Variants in LRRC7 observed in about 807,000 individuals in gnomAD.
LRRC7 encodes leucine-rich repeat-containing protein 7.
In LRRC7, 23 loss-of-function variants were observed where a neutral mutation model predicts 175.7. The ratio of observed to expected loss-of-function variants is 0.13; its 90% CI spans 0.09 to 0.19. The LOEUF (loss-of-function observed/expected upper bound fraction) is 0.19. LRRC7 is among the 10% of genes least tolerant of loss of function. LRRC7 has a pLI of 1.00. For synonymous variants in LRRC7, 685 were observed against 680.9 expected, an observed-to-expected ratio of 1.01 and a Z score of -0.09; for missense variants, 1,354 against 1,904.7, an observed-to-expected ratio of 0.71 and a Z score of 5.38.
At chr1:70,095,085 A>T (rs1056577209) in intron 25 of LRRC7, among the ~76,000 whole-genome samples, 10 of 152,202 alleles carry the variant, frequency 6.6e-5, no homozygotes, top group Non-Finnish European at 2.9e-5. Context: ...TCATTTTGTA[A>T]GTAATATAAT....
chr1:69,752,161 T>C (rs1182503573), intron 2 of LRRC7, among the ~76,000 whole-genome samples: 1 of 152,150 alleles, frequency 6.6e-6, no homozygotes, highest in Non-Finnish European at 1.5e-5. Context: ...TAAAGGGGTT[T>C]CAGAGATGTA....
At chr1:69,789,335 T>A (rs1557731452) in intron 3 of LRRC7, among the ~76,000 whole-genome samples, 2 of 146,304 alleles carry the variant, frequency 1.4e-5, no homozygotes. Flanking sequence ...TGCCTTTAAT[T>A]CAATTCAAGT....
intron 7 of LRRC7, among the ~76,000 whole-genome samples, chr1:69,910,295 T>C (rs1646481931): frequency 6.6e-6 from 1 of 152,198 alleles, no homozygotes; most frequent in South Asian, 2.1e-4. Flanking sequence ...TTCTGCTCTG[T>C]TTTTTCCCCA....
chr1:69,617,552 A>AAAT (rs1485365339), intron 1 of LRRC7, among the ~76,000 whole-genome samples: 2 of 146,630 alleles, frequency 1.4e-5, no homozygotes, highest in Non-Finnish European at 3.0e-5. Context: ...CACAGTAAAA[A>AAAT]AAAAAAAAAA....
Position 69,978,947 on chromosome 1 carries a change from A to C in LRRC7, c.712-1432A>C, listed in dbSNP as rs1186997176. Among the ~76,000 whole-genome samples the C allele has an allele frequency of 1.1e-4, 16 of 151,940 alleles. 1 individual carries two copies. The highest frequency in any genetic ancestry group is 7.9e-4 in the Admixed American group (12 of 15,262). On this transcript the variant is annotated intron_variant, in intron 8 of 26. Transcript: ENST00000651989. Reference sequence around the variant, plus strand: ...GTTTCAGTTAGAAAAAAAAAAAAAAAAAAACAGAAAATCTGCCTTCCAGGC... The same window carrying C: ...GTTTCAGTTAGAAAAAAAAAAAAAACAAAACAGAAAATCTGCCTTCCAGGC...
intron 3 of LRRC7, among the ~76,000 whole-genome samples, chr1:69,765,066 C>A (rs1444941659): frequency 6.6e-6 from 1 of 151,940 alleles, no homozygotes; most frequent in Admixed American, 6.6e-5. Flanking sequence ...GGGTTCTGAC[C>A]CTACACACTT....
intron 13 of LRRC7, among the ~76,000 whole-genome samples, chr1:70,015,552 A>C (rs1237279127): frequency 6.6e-6 from 1 of 152,164 alleles, no homozygotes; most frequent in African/African-American, 2.4e-5. Flanking sequence ...TCTCATTGGC[A>C]TGCCTTGTTT....
intron 22 of LRRC7, among the ~76,000 whole-genome samples, chr1:70,049,121 G>A (rs1464092439): frequency 1.3e-5 from 2 of 151,940 alleles, no homozygotes; most frequent in Non-Finnish European, 2.9e-5. Flanking sequence ...TTCAGGTGAG[G>A]GAAGGCTAAA....
At chr1:69,874,760 A>C (rs2101591849) in intron 7 of LRRC7, 1 of 152,208 alleles carries the variant, frequency 6.6e-6, no homozygotes, top group East Asian at 1.9e-4. Context: ...CTTTGTATAA[A>C]ACAGATATCT....
chr1:69,669,301 A>T (rs1658719241), intron 1 of LRRC7, among the ~76,000 whole-genome samples: 1 of 152,180 alleles, frequency 6.6e-6, no homozygotes, highest in Non-Finnish European at 1.5e-5. Context: ...TGTCTGGGAA[A>T]GTCTTTATCT....
intron 2 of LRRC7, among the ~76,000 whole-genome samples, chr1:69,738,792 T>G (rs1314135720): frequency 2.0e-5 from 3 of 151,946 alleles, no homozygotes; most frequent in Non-Finnish European, 1.5e-5. Context: ...CTATCAGGAA[T>G]TACACATTTG....
intron 23 of LRRC7, among the ~76,000 whole-genome samples, chr1:70,055,326 C>T (rs1044062571): frequency 6.6e-6 from 1 of 152,088 alleles, no homozygotes; most frequent in African/African-American, 2.4e-5. Context: ...GTATTTTAAA[C>T]AGAGAAAGGA....
chr1:69,622,090 C>G (rs1313334941), intron 1 of LRRC7, among the ~76,000 whole-genome samples: 1 of 152,178 alleles, frequency 6.6e-6, no homozygotes, highest in African/African-American at 2.4e-5. Context: ...ATGCTAGCTA[C>G]TCATCTTCTG....
At chr1:69,593,266 C>T (rs115904711) in intron 1 of LRRC7, among the ~76,000 whole-genome samples, 32 of 152,084 alleles carry the variant, frequency 2.1e-4, no homozygotes, top group Non-Finnish European at 4.0e-4. Flanking sequence ...TAAGCAAATT[C>T]GTGAAAAATA....
At chr1:69,938,997 A>ATATT (rs1648351825) in intron 8 of LRRC7, among the ~76,000 whole-genome samples, 1 of 96,024 alleles carries the variant, frequency 1.0e-5, no homozygotes, top group East Asian at 4.2e-4. Context: ...GCTGTAGATT[A>ATATT]TATATATATA....
chr1:70,058,191 G>A (rs1397799613), intron 23 of LRRC7, among the ~76,000 whole-genome samples: 1 of 151,978 alleles, frequency 6.6e-6, no homozygotes, highest in Non-Finnish European at 1.5e-5. Flanking sequence ...TGTATTTTTA[G>A]TAGAGACAGG....
chr1:69,910,092 T>C (rs1050459877), intron 7 of LRRC7, among the ~76,000 whole-genome samples: 6 of 152,212 alleles, frequency 3.9e-5, no homozygotes, highest in Non-Finnish European at 7.3e-5. Context: ...ATTCTTCACG[T>C]AGTTCTCGAG....
At chr1:70,062,919 A>T (rs1297122233) in intron 23 of LRRC7, among the ~76,000 whole-genome samples, 1 of 151,510 alleles carries the variant, frequency 6.6e-6, no homozygotes, top group East Asian at 1.9e-4. Flanking sequence ...ATGGAAAAAA[A>T]ATCTCTAACC....
intron 7 of LRRC7, among the ~76,000 whole-genome samples, chr1:69,909,366 T>C (rs1011763186): frequency 6.6e-5 from 10 of 152,156 alleles, no homozygotes; most frequent in Admixed American, 3.3e-4. Context: ...TTCCTAGCCT[T>C]GATGGTCTTT....
Sources: gnomAD v4.1 joint callset for allele counts (sites outside exome capture counted in the v4.1 genomes callset) on GRCh38, gnomAD v4.1.1 for gene constraint, MANE v1.5 for transcripts, NCBI Gene and HGNC (gene_info 2026-07-23, HGNC 2026-07-21) for gene names.